CDH18: variants seen among roughly 807,000 people sequenced by gnomAD.
CDH18 encodes the protein cadherin 18, also known as cadherin-18.
CDH18 carries 31 observed loss-of-function variants against 67.9 expected under a neutral mutation model. The observed-to-expected ratio is 0.46, with a 90% CI of 0.34 to 0.62. CDH18 has a LOEUF of 0.62. CDH18 is among the 20% of genes least tolerant of loss of function. The probability of loss-of-function intolerance (pLI) is 0.01; values close to 1 mark genes in which losing one functional copy is unlikely to be tolerated. For missense variants in CDH18, 890 were observed against 975.5 expected (o/e 0.91, Z 1.17); for synonymous variants, 362 against 347.2 (o/e 1.04, Z -0.48).
intron 2 of CDH18, among the ~76,000 whole-genome samples, chr5:20,141,463 T>C (rs1227042441): frequency 2.0e-5 from 3 of 152,148 alleles, no homozygotes; most frequent in African/African-American, 4.8e-5. Context: ...GCATAAAAGT[T>C]ATGAACTAAG....
chr5:20,412,929 A>G (rs1158014449), intron 1 of CDH18, among the ~76,000 whole-genome samples: 1 of 152,202 alleles, frequency 6.6e-6, no homozygotes, highest in East Asian at 1.9e-4. Flanking sequence ...TGTCATTTAC[A>G]TTAGGTATTT....
At chr5:19,757,030 C>G (rs1771694092) in intron 3 of CDH18, among the ~76,000 whole-genome samples, 1 of 152,192 alleles carries the variant, frequency 6.6e-6, no homozygotes, top group African/African-American at 2.4e-5. Flanking sequence ...GGCCATTCCA[C>G]CATTCTATCA....
At chr5:20,467,467 G>C (rs1194902812) in intron 1 of CDH18, among the ~76,000 whole-genome samples, 1 of 152,146 alleles carries the variant, frequency 6.6e-6, no homozygotes, top group East Asian at 1.9e-4. Flanking sequence ...AGAAGCAAGA[G>C]CTGTTGCAGG....
chr5:20,191,342 C>G (rs1433299338), intron 2 of CDH18, among the ~76,000 whole-genome samples: 1 of 152,044 alleles, frequency 6.6e-6, no homozygotes, highest in African/African-American at 2.4e-5. Flanking sequence ...GTTTTGACTA[C>G]TTAAAGACCT....
chr5:20,150,314 C>A (rs755824037), intron 2 of CDH18, among the ~76,000 whole-genome samples: 8 of 151,902 alleles, frequency 5.3e-5, no homozygotes, highest in Non-Finnish European at 1.0e-4. Context: ...TTACAGGATA[C>A]TAGAGCAAAT....
intron 2 of CDH18, among the ~76,000 whole-genome samples, chr5:19,869,251 T>A: frequency 6.6e-6 from 1 of 152,052 alleles, no homozygotes; most frequent in East Asian, 1.9e-4. Context: ...ATCATGCCTG[T>A]TTTCAAAAAA....
chr5:20,229,042 G>GTT (rs1332230899), intron 2 of CDH18, among the ~76,000 whole-genome samples: 1 of 151,986 alleles, frequency 6.6e-6, no homozygotes, highest in Non-Finnish European at 1.5e-5. Context: ...GTTGGTGAAT[G>GTT]TTTTTTGTAA....
chr5:20,175,483 A>G (rs1387520445), intron 2 of CDH18, among the ~76,000 whole-genome samples: 1 of 152,148 alleles, frequency 6.6e-6, no homozygotes, highest in Non-Finnish European at 1.5e-5. Context: ...AATTGCTATA[A>G]TTGAACATCT....
At chr5:20,346,826 G>A (rs78790756) in intron 1 of CDH18, among the ~76,000 whole-genome samples, 2 of 152,268 alleles carry the variant, frequency 1.3e-5, no homozygotes, top group East Asian at 1.9e-4. Context: ...AATTCAAAAT[G>A]CATCAAGTGT....
intron 2 of CDH18, among the ~76,000 whole-genome samples, chr5:19,853,084 G>A (rs1430456164): frequency 6.6e-6 from 1 of 152,098 alleles, no homozygotes; most frequent in African/African-American, 2.4e-5. Flanking sequence ...AGTCTTTTGG[G>A]GATGTCATAA....
At chr5:19,512,471 C>T (rs1380509084) in intron 10 of CDH18, among the ~76,000 whole-genome samples, 2 of 152,016 alleles carry the variant, frequency 1.3e-5, no homozygotes, top group African/African-American at 4.8e-5. Context: ...AAGAGTTGCC[C>T]TCTAGAGAGA....
At chr5:19,673,341 T>C (rs1474160103) in intron 5 of CDH18, among the ~76,000 whole-genome samples, 2 of 152,068 alleles carry the variant, frequency 1.3e-5, no homozygotes, top group African/African-American at 4.8e-5. Context: ...GTAAGCTATT[T>C]ATTTTAGCAA....
intron 2 of CDH18, among the ~76,000 whole-genome samples, chr5:20,015,368 G>A (rs1724208874): frequency 6.6e-6 from 1 of 152,060 alleles, no homozygotes; most frequent in African/African-American, 2.4e-5. Flanking sequence ...AAAAGATGTG[G>A]CACAAGTGGC....
chr5:20,066,044 A>T (rs924720940), intron 2 of CDH18, among the ~76,000 whole-genome samples: 1 of 152,090 alleles, frequency 6.6e-6, no homozygotes, highest in Non-Finnish European at 1.5e-5. Flanking sequence ...AAATGTAAAA[A>T]GTATGATGAT....
At chr5:19,548,808 T>A (rs1438212526) in intron 8 of CDH18, among the ~76,000 whole-genome samples, 5 of 149,656 alleles carry the variant, frequency 3.3e-5, no homozygotes, top group Non-Finnish European at 7.4e-5. Context: ...TGGAGTGCAA[T>A]GGCACAATCT....
intron 5 of CDH18, among the ~76,000 whole-genome samples, chr5:19,704,131 A>G: frequency 6.6e-6 from 1 of 152,200 alleles, no homozygotes; most frequent in East Asian, 1.9e-4. Context: ...AACAAGGCAA[A>G]GCAGCTTATT....
chr5:20,183,064 AATT>A (rs1272849406), intron 2 of CDH18, among the ~76,000 whole-genome samples: 2 of 152,100 alleles, frequency 1.3e-5, no homozygotes, highest in Non-Finnish European at 2.9e-5. Flanking sequence ...AGATGAAGAT[AATT>A]ACAGCATCTA....
chr5:20,159,784 A>G (rs1033590362), intron 2 of CDH18, among the ~76,000 whole-genome samples: 1 of 152,188 alleles, frequency 6.6e-6, no homozygotes, highest in Non-Finnish European at 1.5e-5. Context: ...GCTTTATTAT[A>G]TTCTGAGAAC....
chr5:19,611,581 C>T (rs1748972801), intron 6 of CDH18, among the ~76,000 whole-genome samples: 1 of 152,042 alleles, frequency 6.6e-6, no homozygotes, highest in African/African-American at 2.4e-5. Flanking sequence ...TTGAGAAAGG[C>T]ATTTCGCGCT....
Sources: allele counts gnomAD v4.1 joint callset (sites outside exome capture counted in the v4.1 genomes callset), GRCh38; gene constraint gnomAD v4.1.1; transcripts MANE v1.5; gene names NCBI Gene and HGNC (gene_info 2026-07-23, HGNC 2026-07-21).